PCTP: variants seen among roughly 807,000 people sequenced by gnomAD.
The protein encoded by PCTP is phosphatidylcholine transfer protein, also known as START domain-containing protein 2.
In PCTP, 27 loss-of-function variants were observed where a neutral mutation model predicts 31.0. The observed-to-expected ratio is 0.87, with a 90% CI of 0.64 to 1.20. The LOEUF is 1.20. PCTP is among the 50% of genes most tolerant of loss of function. The pLI is 0.00. For synonymous variants in PCTP, 108 were observed against 101.2 expected (o/e 1.07, Z -0.40); for missense variants, 287 against 268.2 (o/e 1.07, Z -0.49).
At position 55,773,828 on chromosome 17, in the gene PCTP, G is replaced by C; in HGVS notation, c.444G>C (p.Gly148=). 6.2e-7 allele frequency: 1 copy of C among 1,613,446 alleles called. No homozygotes were observed. Among genetic ancestry groups the C allele is most frequent in the Non-Finnish European group, 8.5e-7 (1 of 1,179,776 alleles). Residue 148 remains glycine (G), a synonymous_variant, in exon 4 of 6, where the codon GGG becomes GGC. Coordinates refer to ENST00000268896, the MANE Select transcript of PCTP (RefSeq NM_021213.4). ...TGCCTCAGCTTGGCGAGAGGTCTGGGGTGATCCGGGTGAAGCAATACAAGC... is the reference window on the plus strand; with the variant it reads ...TGCCTCAGCTTGGCGAGAGGTCTGGCGTGATCCGGGTGAAGCAATACAAGC... The part of the protein sequence containing the change: ...TSMPQLGERS[G]VIRVKQYKQS...
rs1348417045 is a variant in PCTP at position 55,804,519 on chromosome 17, G to C, written c.317+16865G>C. ...GAAAATGTGACACATACACACCATG[G>C]AATACTATGCAGCCATAAAAAGGAT... On this transcript the variant is annotated intron_variant, in intron 3 of 3. Transcript: ENST00000572536. 3.9e-5 allele frequency among the ~76,000 whole-genome samples: 6 copies of C among 152,302 alleles called. No individual in the cohort carries two copies. The South Asian group carries it at 1.2e-3, about 32-fold the overall frequency.
At chr17:55,783,061 AAGAT>A (rs1265549253) in intron 2 of PCTP, among the ~76,000 whole-genome samples, 2 of 152,152 alleles carry the variant, frequency 1.3e-5, no homozygotes, top group African/African-American at 4.8e-5. Flanking sequence ...TAATGCCTGA[AAGAT>A]AGGTCCAAAA....
At chr17:55,843,347 G>T (rs1262739947), downstream of PCTP, among the ~76,000 whole-genome samples, 1 of 152,146 alleles carries the variant, frequency 6.6e-6, no homozygotes, top group East Asian at 1.9e-4. Context: ...TTTAGGATAA[G>T]ATTCAAATGG....
intron 3 of PCTP, among the ~76,000 whole-genome samples, chr17:55,792,977 G>T (rs945983946): frequency 1.3e-5 from 2 of 151,998 alleles, no homozygotes; most frequent in Non-Finnish European, 2.9e-5. Flanking sequence ...ATATACTCCA[G>T]TCCAAACAAA....
intron 3 of PCTP, among the ~76,000 whole-genome samples, chr17:55,802,258 T>C (rs1482789034): frequency 6.6e-6 from 1 of 152,166 alleles, no homozygotes; most frequent in Non-Finnish European, 1.5e-5. Context: ...CAGGACCAGA[T>C]GGATTAACAG....
At chr17:55,770,764 G>C (rs1018439721) in intron 2 of PCTP, 2 of 179,420 alleles carry the variant, frequency 1.1e-5, no homozygotes, top group African/African-American at 4.7e-5. Context: ...ACCCAGGCTG[G>C]AGTGCAGTGG....
chr17:55,799,955 T>C (rs1179913767), intron 3 of PCTP, among the ~76,000 whole-genome samples: 5 of 152,232 alleles, frequency 3.3e-5, no homozygotes, highest in African/African-American at 1.2e-4. Context: ...GTTAGTCTGA[T>C]GGGCTTCCCT....
rs571993074 is a variant in PCTP at position 55,784,695 on chromosome 17, T to C, written c.229-2871T>C. Among the ~76,000 whole-genome samples the C allele has an allele frequency of 9.5e-4, 145 of 152,318 alleles. 3 individuals are homozygous for C. The South Asian group carries it at 0.03, about 31-fold the overall frequency. ...TAAGACAAATAAAAAGTAAATCCAA[T>C]ATACCATTTACCATCACTATGATTT... On this transcript the variant is annotated intron_variant, in intron 2 of 3. Coordinates refer to the PCTP transcript ENST00000572536.
intron 3 of PCTP, among the ~76,000 whole-genome samples, chr17:55,817,260 A>G (rs1912951434): frequency 6.6e-6 from 1 of 152,158 alleles, no homozygotes; most frequent in African/African-American, 2.4e-5. Flanking sequence ...GTTGTTGGGT[A>G]TTGTCATCCT....
chr17:55,814,512 G>A (rs904345964), intron 3 of PCTP, among the ~76,000 whole-genome samples: 4 of 152,208 alleles, frequency 2.6e-5, no homozygotes, highest in East Asian at 1.9e-4. Context: ...GAACAAGGTC[G>A]GGGGGAAAGA....
chr17:55,815,675 C>T (rs1173684980), intron 3 of PCTP, among the ~76,000 whole-genome samples: 1 of 152,114 alleles, frequency 6.6e-6, no homozygotes, highest in Admixed American at 6.5e-5. Flanking sequence ...GAAAAAAATC[C>T]CTGACTCCTT....
chr17:55,828,457 C>T (rs1341949088), intron 5 of PCTP, among the ~76,000 whole-genome samples: 4 of 152,184 alleles, frequency 2.6e-5, no homozygotes, highest in Non-Finnish European at 5.9e-5. Context: ...GCTGTCTTCC[C>T]CCTCTGTTCT....
downstream of PCTP, among the ~76,000 whole-genome samples, chr17:55,781,686 T>C (rs567430347): frequency 5.3e-5 from 8 of 152,366 alleles, no homozygotes; most frequent in Admixed American, 4.6e-4. Flanking sequence ...ATATTTTTAA[T>C]GCACCTTTTT....
At chr17:55,827,111 C>G (rs1950788269), downstream of PCTP, among the ~76,000 whole-genome samples, 1 of 151,756 alleles carries the variant, frequency 6.6e-6, no homozygotes, top group Non-Finnish European at 1.5e-5. Flanking sequence ...TGACTTTGCA[C>G]TTTGTCTCAC....
chr17:55,850,161 C>T, the PCTP span, among the ~76,000 whole-genome samples: 12 of 152,010 alleles, frequency 7.9e-5, no homozygotes, highest in Admixed American at 2.6e-4. Context: ...AGCAAATGTA[C>T]CTAGGTCCTA....
At chr17:55,767,489 A>C in intron 2 of PCTP, 37 bp downstream of exon 2, 1 of 1,370,082 alleles carries the variant, frequency 7.3e-7, no homozygotes, top group Non-Finnish European at 1.0e-6. Context: ...TTTTAGACGT[A>C]CTTTCACTTT....
chr17:55,795,510 A>G (rs186305617), intron 3 of PCTP, among the ~76,000 whole-genome samples: 1 of 152,190 alleles, frequency 6.6e-6, no homozygotes, highest in African/African-American at 2.4e-5. Context: ...GTGAGCCAAG[A>G]ATTGTGCCGT....
chr17:55,805,455 T>C (rs1425588979), intron 3 of PCTP, among the ~76,000 whole-genome samples: 3 of 152,088 alleles, frequency 2.0e-5, no homozygotes, highest in Admixed American at 6.6e-5. Context: ...GTGAGAACAT[T>C]CAGTATTTGA....
Position 55,776,854 on chromosome 17 carries a change from G to A in PCTP, c.*754G>A. ...TTTTCCATATGTCACTGGGGGAAAG[G>A]CTGCCTGTACCTCTCAAGCTTTGCA... is the stretch of plus-strand genomic sequence containing the variant. On this transcript the variant is annotated 3_prime_UTR_variant, in exon 6 of 6. Transcript: ENST00000268896. 1.0e-6 allele frequency: 1 copy of A among 1,002,974 alleles called. No homozygotes were observed. The highest frequency in any genetic ancestry group is 1.2e-6 in the Non-Finnish European group (1 of 842,022). 62.1% of individuals were successfully genotyped at this position (1,002,974 alleles called of 1,614,324 possible). A position where few individuals can be genotyped will look rare whatever the true frequency, so the allele number is the denominator to read the frequency against.
Sources: gnomAD v4.1 joint callset for allele counts (sites outside exome capture counted in the v4.1 genomes callset) on GRCh38, gnomAD v4.1.1 for gene constraint, MANE v1.5 for transcripts, NCBI Gene and HGNC (gene_info 2026-07-23, HGNC 2026-07-21) for gene names.